The following KANK1 variants were observed in gnomAD, a reference collection of about 807,000 sequenced individuals.
KANK1 encodes KN motif and ankyrin repeat domains 1, also known as KN motif and ankyrin repeat domain-containing protein 1.
A neutral mutation model predicts 106.2 loss-of-function variants in KANK1; 109 were observed. That is an observed-to-expected ratio of 1.03 (90% CI 0.88 to 1.20). The LOEUF (loss-of-function observed/expected upper bound fraction) is 1.20, where lower values mean the gene tolerates loss of function less well. KANK1 is among the 50% of genes most tolerant of loss of function. The pLI is 0.00. For synonymous variants in KANK1, 873 were observed against 652.2 expected, an observed-to-expected ratio of 1.34 and a Z score of -5.16; for missense variants, 2,399 against 1,710.7, an observed-to-expected ratio of 1.40 and a Z score of -7.10.
chr9:508,121 C>CTTTTTTTT lies in KANK1; in HGVS notation c.-84+3394_-84+3401dup, dbSNP rs71314711. On this transcript the variant is annotated intron_variant, in intron 1 of 11. Coordinates refer to ENST00000382297, the MANE Select transcript of KANK1 (RefSeq NM_015158.5). Reference sequence around the variant, plus strand: ...ACAGGTGTGAGACACCCTGCTCAGCCTTTTTTTTTTTTTTTTTTTTTTTTT... The same window carrying CTTTTTTTT: ...ACAGGTGTGAGACACCCTGCTCAGCCTTTTTTTTTTTTTTTTTTTTTTTTTTTTTTTTT... Among the ~76,000 whole-genome samples the CTTTTTTTT allele has an allele frequency of 4.8e-4, 19 of 39,186 alleles. 1 individual carries two copies. Among genetic ancestry groups the CTTTTTTTT allele is most frequent in the South Asian group, 7.8e-4 (1 of 1,276 alleles). 25.7% of individuals were successfully genotyped at this position (39,186 alleles called of 152,430 possible). A position where few individuals can be genotyped will look rare whatever the true frequency, so the allele number is the denominator to read the frequency against.
At chr9:634,300 C>G (rs1836533852) in intron 1 of KANK1, among the ~76,000 whole-genome samples, 1 of 152,124 alleles carries the variant, frequency 6.6e-6, no homozygotes, top group South Asian at 2.1e-4. Flanking sequence ...GCAAAATGGT[C>G]TAATCCTGTG....
chr9:597,370 T>C (rs1156246244), intron 1 of KANK1, among the ~76,000 whole-genome samples: 2 of 151,780 alleles, frequency 1.3e-5, no homozygotes, highest in African/African-American at 2.4e-5. Context: ...CTTGCAAACA[T>C]TTATTTTCCC....
At chr9:652,392 C>G (rs1588592746) in intron 1 of KANK1, among the ~76,000 whole-genome samples, 1 of 152,114 alleles carries the variant, frequency 6.6e-6, no homozygotes, top group East Asian at 1.9e-4. Flanking sequence ...ACATAGTGGT[C>G]TGCACCTGTA....
intron 1 of KANK1, among the ~76,000 whole-genome samples, chr9:615,340 C>A (rs1222735234): frequency 6.6e-6 from 1 of 152,162 alleles, no homozygotes; most frequent in Non-Finnish European, 1.5e-5. Context: ...ATTCTTTGCT[C>A]TTTTAGTCCA....
At chr9:595,833 T>C (rs1444711585) in intron 1 of KANK1, among the ~76,000 whole-genome samples, 1 of 151,890 alleles carries the variant, frequency 6.6e-6, no homozygotes, top group Admixed American at 6.5e-5. Context: ...CATGAGAAGA[T>C]TTATGATGAT....
rs1433118346 is a variant in KANK1 at position 591,007 on chromosome 9, CAAACAAACAAAAAAA to C, written c.-83-85882_-83-85868del. 3.3e-5 allele frequency among the ~76,000 whole-genome samples: 5 copies of C among 151,746 alleles called. No individual in the cohort carries two copies. In the East Asian group the frequency reaches 9.7e-4, roughly 29 times the overall value. On this transcript the variant is annotated intron_variant, in intron 1 of 11. Coordinates refer to ENST00000382297, the MANE Select transcript of KANK1 (RefSeq NM_015158.5). ...TAACATTGGATAGTGGAGTTTAAAACAAACAAACAAAAAAACCTTACCAGTTTTATAGACAGATGA... is the reference window on the plus strand; with the variant it reads ...TAACATTGGATAGTGGAGTTTAAAACCCTTACCAGTTTTATAGACAGATGA...
intron 1 of KANK1, among the ~76,000 whole-genome samples, chr9:672,920 G>C (rs16922302): frequency 0.047 from 7,116 of 152,166 alleles, 452 homozygotes; most frequent in East Asian, 0.24. Context: ...GGAGAACTAA[G>C]CCACCATTGT....
At chr9:686,995 A>C in intron 2 of KANK1, 2 of 921,690 alleles carry the variant, frequency 2.2e-6, no homozygotes, top group East Asian at 1.2e-4. Flanking sequence ...GGATGCTTTG[A>C]GATGAGACTT....
intron 1 of KANK1, among the ~76,000 whole-genome samples, chr9:580,040 C>G (rs943837620): frequency 6.6e-6 from 1 of 152,178 alleles, no homozygotes; most frequent in African/African-American, 2.4e-5. Context: ...GTGAGTGTTA[C>G]AGTTCTTAAA....
intron 1 of KANK1, among the ~76,000 whole-genome samples, chr9:587,492 G>C (rs1264560604): frequency 6.6e-6 from 1 of 152,078 alleles, no homozygotes; most frequent in Non-Finnish European, 1.5e-5. Flanking sequence ...ATTTATTGCA[G>C]GCTTTATTCA....
chr9:554,993 A>G lies in KANK1; in HGVS notation c.-84+50239A>G, dbSNP rs185451761. Among the ~76,000 whole-genome samples the G allele has an allele frequency of 1.4e-3, 211 of 152,356 alleles. 1 individual carries two copies. Among genetic ancestry groups the G allele is most frequent in the African/African-American group, 4.9e-3 (202 of 41,582 alleles). On this transcript the variant is annotated intron_variant, in intron 1 of 11. Transcript: ENST00000382297. ...CTGATCTCTTCTTGGCACACCCAGA[A>G]GTAATGTTTTACCGGCTGCCTGGGC...
upstream of KANK1, among the ~76,000 whole-genome samples, chr9:499,839 A>C (rs1018597588): frequency 6.6e-6 from 1 of 152,206 alleles, no homozygotes; most frequent in Admixed American, 6.5e-5. Flanking sequence ...CAAAGATGCA[A>C]TTAGAGATGA....
intron 1 of KANK1, among the ~76,000 whole-genome samples, chr9:528,237 A>C (rs1407764719): frequency 6.6e-6 from 1 of 151,946 alleles, no homozygotes; most frequent in Non-Finnish European, 1.5e-5. Flanking sequence ...TGGCCTTCTC[A>C]AACTGGGAAC....
intron 1 of KANK1, among the ~76,000 whole-genome samples, chr9:582,433 G>T (rs1320417827): frequency 6.6e-6 from 1 of 152,108 alleles, no homozygotes; most frequent in Non-Finnish European, 1.5e-5. Flanking sequence ...TTCTGGCAAT[G>T]GGTAGTCTAG....
intron 3 of KANK1, among the ~76,000 whole-genome samples, chr9:723,281 G>A (rs1564081159): frequency 6.6e-6 from 1 of 152,130 alleles, no homozygotes; most frequent in Admixed American, 6.5e-5. Context: ...AAAAGCCCTA[G>A]TTTACAAAAG....
chr9:574,854 CA>C (rs57091352), intron 1 of KANK1, among the ~76,000 whole-genome samples: 10,340 of 79,146 alleles, frequency 0.13, 1,048 homozygotes, highest in African/African-American at 0.33. Flanking sequence ...GACTCCGTCT[CA>C]AAAAAAAAAA....
At chr9:665,678 G>C (rs552155622) in intron 1 of KANK1, among the ~76,000 whole-genome samples, 2 of 152,108 alleles carry the variant, frequency 1.3e-5, no homozygotes, top group African/African-American at 4.8e-5. Flanking sequence ...AGGATTGTCT[G>C]CTCTGTTTCT....
At chr9:502,729 T>C (rs899754226), upstream of KANK1, among the ~76,000 whole-genome samples, 1 of 152,166 alleles carries the variant, frequency 6.6e-6, no homozygotes, top group Non-Finnish European at 1.5e-5. Context: ...TTTCACCATG[T>C]TGGCCAGGCC....
intron 1 of KANK1, among the ~76,000 whole-genome samples, chr9:570,119 G>C (rs1242053472): frequency 1.3e-5 from 2 of 152,104 alleles, no homozygotes; most frequent in African/African-American, 4.8e-5. Context: ...TGATGGCTTT[G>C]TTTTAATCTG....
Sources: gnomAD v4.1 joint callset for allele counts (sites outside exome capture counted in the v4.1 genomes callset) on GRCh38, gnomAD v4.1.1 for gene constraint, MANE v1.5 for transcripts, NCBI Gene and HGNC (gene_info 2026-07-23, HGNC 2026-07-21) for gene names.